LSAMP: variants seen among roughly 807,000 people sequenced by gnomAD.
LSAMP encodes limbic system-associated membrane protein.
Under a neutral mutation model 38.6 loss-of-function variants are expected in LSAMP, and 7 were observed. The ratio of observed to expected loss-of-function variants is 0.18; its 90% CI spans 0.10 to 0.34. LSAMP has a LOEUF of 0.34. Among genes scored for constraint, LSAMP ranks in the 10% least tolerant of loss-of-function variants. The pLI is 1.00. For synonymous variants in LSAMP, 154 were observed against 166.8 expected (o/e 0.92, Z 0.59); for missense variants, 313 against 420.0 (o/e 0.75, Z 2.23).
intron 4 of LSAMP, among the ~76,000 whole-genome samples, chr3:115,851,364 C>T (rs1160236893): frequency 6.6e-6 from 1 of 152,146 alleles, no homozygotes; most frequent in Non-Finnish European, 1.5e-5. Flanking sequence ...GCTTTAGAAT[C>T]AAATGGACCT....
At chr3:115,953,948 G>A (rs949078985) in intron 3 of LSAMP, among the ~76,000 whole-genome samples, 1 of 152,124 alleles carries the variant, frequency 6.6e-6, no homozygotes, top group Non-Finnish European at 1.5e-5. Flanking sequence ...CGTTCTGTAA[G>A]AGGCCATCCT....
intron 1 of LSAMP, among the ~76,000 whole-genome samples, chr3:116,174,118 A>G (rs1710276993): frequency 6.6e-6 from 1 of 152,038 alleles, no homozygotes. Context: ...CATTTTTAAT[A>G]TTATGACCCA....
chr3:115,989,333 T>C (rs973543832), intron 3 of LSAMP, among the ~76,000 whole-genome samples: 4 of 152,126 alleles, frequency 2.6e-5, no homozygotes, highest in Non-Finnish European at 5.9e-5. Flanking sequence ...TAAAAGAAGA[T>C]ATTGGTAATT....
chr3:115,889,857 G>T (rs544809825), intron 3 of LSAMP, among the ~76,000 whole-genome samples: 121 of 151,936 alleles, frequency 8.0e-4, no homozygotes, highest in African/African-American at 2.8e-3. Flanking sequence ...AAAACAATGC[G>T]AAAAACATAC....
At chr3:115,812,417 A>G (rs1933868027) in intron 6 of LSAMP, among the ~76,000 whole-genome samples, 1 of 152,182 alleles carries the variant, frequency 6.6e-6, no homozygotes, top group Non-Finnish European at 1.5e-5. Flanking sequence ...ATTGTTGACC[A>G]GGTGCTTAAA....
chr3:116,397,612 A>G (rs1046630814), intron 1 of LSAMP, among the ~76,000 whole-genome samples: 2 of 152,188 alleles, frequency 1.3e-5, no homozygotes, highest in African/African-American at 4.8e-5. Flanking sequence ...CTCCCAGGCA[A>G]GAAGTGAATG....
intron 2 of LSAMP, among the ~76,000 whole-genome samples, chr3:116,041,580 C>T (rs1208423025): frequency 3.3e-5 from 5 of 151,492 alleles, no homozygotes; most frequent in African/African-American, 7.3e-5. Context: ...AACTTAGGTG[C>T]TGCACTTTCA....
intron 3 of LSAMP, among the ~76,000 whole-genome samples, chr3:115,899,521 C>T (rs1427985520): frequency 1.3e-5 from 2 of 152,124 alleles, no homozygotes; most frequent in African/African-American, 4.8e-5. Flanking sequence ...GTATACATAA[C>T]TGCCTGATGC....
At chr3:115,887,849 G>A (rs895309970) in intron 3 of LSAMP, among the ~76,000 whole-genome samples, 2 of 151,896 alleles carry the variant, frequency 1.3e-5, no homozygotes, top group African/African-American at 2.4e-5. Flanking sequence ...TACAGTGAGA[G>A]CATAATCCCA....
chr3:116,121,790 C>T (rs1346980391), intron 1 of LSAMP, among the ~76,000 whole-genome samples: 4 of 152,098 alleles, frequency 2.6e-5, no homozygotes, highest in Admixed American at 1.3e-4. Context: ...TTGTCCAACC[C>T]GCACCCTGTA....
intron 3 of LSAMP, among the ~76,000 whole-genome samples, chr3:115,948,647 T>C (rs890045051): frequency 4.6e-5 from 7 of 152,036 alleles, no homozygotes; most frequent in Admixed American, 4.6e-4. Context: ...AAAAGGAAAG[T>C]TCATAGCATT....
At chr3:116,244,217 C>G (rs780757338) in intron 1 of LSAMP, among the ~76,000 whole-genome samples, 14 of 152,232 alleles carry the variant, frequency 9.2e-5, no homozygotes, top group Non-Finnish European at 4.4e-5. Flanking sequence ...AAGTCCTGTC[C>G]TTTCTCAACT....
intron 1 of LSAMP, among the ~76,000 whole-genome samples, chr3:116,430,561 A>T (rs1353403198): frequency 6.6e-6 from 1 of 152,172 alleles, no homozygotes; most frequent in Non-Finnish European, 1.5e-5. Context: ...TCCATTTGGC[A>T]GAAGAGAAAC....
In LSAMP at chr3:116,086,523, G is replaced by A. The variant is rs1202139269; in HGVS notation, c.189C>T (p.Ala63=). 1 of 1,614,010 alleles carries A rather than the reference G, an allele frequency of 6.2e-7. No individual in the cohort carries two copies. The highest frequency in any genetic ancestry group is 8.5e-7 in the Non-Finnish European group (1 of 1,180,022). ...AAATGATGCCAGAACGGTTCAACCAGGCCACCTTTGAGTTCTTGTCTTCTA... is the reference window on the plus strand; with the variant it reads ...AAATGATGCCAGAACGGTTCAACCAAGCCACCTTTGAGTTCTTGTCTTCTA... ...CVVEDKNSKV[A]WLNRSGIIFA... is the part of the protein sequence containing the mutation. Residue 63 remains alanine (A), a synonymous_variant, in exon 2 of 7, where the codon GCC becomes GCT. Transcript: ENST00000490035.
intron 1 of LSAMP, among the ~76,000 whole-genome samples, chr3:116,382,397 C>T (rs546212137): frequency 3.3e-5 from 5 of 151,430 alleles, no homozygotes; most frequent in Non-Finnish European, 4.4e-5. Context: ...AGCAAACTAT[C>T]GCAAGGACAA....
chr3:116,232,699 C>CTTTCTTT (rs1310867132), intron 1 of LSAMP, among the ~76,000 whole-genome samples: 12 of 99,472 alleles, frequency 1.2e-4, no homozygotes, highest in African/African-American at 2.2e-4. Flanking sequence ...TTCTTTCTTT[C>CTTTCTTT]TTTTTTTTTT....
chr3:116,270,411 T>C (rs1345254383), intron 1 of LSAMP, among the ~76,000 whole-genome samples: 1 of 141,118 alleles, frequency 7.1e-6, no homozygotes, highest in Admixed American at 7.5e-5. Flanking sequence ...AAATGGACCC[T>C]GAAGCTTCTT....
intron 3 of LSAMP, among the ~76,000 whole-genome samples, chr3:116,007,668 A>ACG (rs1940201520): frequency 1.3e-5 from 2 of 152,092 alleles, no homozygotes; most frequent in Admixed American, 1.3e-4. Flanking sequence ...TTATAAACAC[A>ACG]CACACACACA....
At chr3:115,857,412 C>T (rs1320621627) in intron 3 of LSAMP, among the ~76,000 whole-genome samples, 1 of 152,188 alleles carries the variant, frequency 6.6e-6, no homozygotes, top group Non-Finnish European at 1.5e-5. Flanking sequence ...AAAAGACTCT[C>T]AGGCCAGAAA....
Sources: gnomAD v4.1 joint callset for allele counts (sites outside exome capture counted in the v4.1 genomes callset) on GRCh38, gnomAD v4.1.1 for gene constraint, MANE v1.5 for transcripts, NCBI Gene and HGNC (gene_info 2026-07-23, HGNC 2026-07-21) for gene names.